The following CTNND2 variants were observed in gnomAD, a reference collection of about 807,000 sequenced individuals.
CTNND2 encodes the protein catenin delta 2.
A neutral mutation model predicts 144.4 loss-of-function variants in CTNND2; 22 were observed. That is an observed-to-expected ratio of 0.15 (90% CI 0.11 to 0.22). CTNND2 has a LOEUF of 0.22. CTNND2 is among the 10% of genes least tolerant of loss of function. The pLI, the probability that CTNND2 is intolerant of heterozygous loss-of-function variation, is 1.00. For synonymous variants in CTNND2, 751 were observed against 695.6 expected (o/e 1.08, Z -1.25); for missense variants, 1,353 against 1,618.8 (o/e 0.84, Z 2.82).
rs182211460 is a variant in CTNND2 at position 11,303,162 on chromosome 5, G to A, written c.1628+43210C>T. On this transcript the variant is annotated intron_variant, in intron 9 of 21. Transcript: ENST00000304623. ...CCACTCAACACTTAGTCCAGTACCTGGCATTTGGCAGCTTCTCGAAAATAC... is the reference window on the plus strand; with the variant it reads ...CCACTCAACACTTAGTCCAGTACCTAGCATTTGGCAGCTTCTCGAAAATAC... 8.5e-5 allele frequency among the ~76,000 whole-genome samples: 13 copies of A among 152,316 alleles called. No individual in the cohort carries two copies. In the East Asian group the frequency reaches 9.6e-4, roughly 11 times the overall value.
chr5:11,130,997 T>G (rs1755541210), intron 12 of CTNND2, among the ~76,000 whole-genome samples: 1 of 152,168 alleles, frequency 6.6e-6, no homozygotes, highest in Non-Finnish European at 1.5e-5. Flanking sequence ...AGCATTACCA[T>G]GCTTGCTAAA....
At chr5:11,540,696 G>C (rs988239437) in intron 3 of CTNND2, among the ~76,000 whole-genome samples, 2 of 152,138 alleles carry the variant, frequency 1.3e-5, no homozygotes, top group African/African-American at 4.8e-5. Flanking sequence ...TTTCAGTACA[G>C]ATGGGGTTTC....
At chr5:11,209,123 A>C (rs1738355295) in intron 10 of CTNND2, among the ~76,000 whole-genome samples, 1 of 152,164 alleles carries the variant, frequency 6.6e-6, no homozygotes, top group South Asian at 2.1e-4. Context: ...AAAGGCTATA[A>C]ATTCCCCAAA....
intron 1 of CTNND2, among the ~76,000 whole-genome samples, chr5:11,734,427 T>C (rs755071767): frequency 6.6e-6 from 1 of 152,166 alleles, no homozygotes; most frequent in African/African-American, 2.4e-5. Flanking sequence ...CTCATGACAG[T>C]GAATAAGTCT....
intron 1 of CTNND2, among the ~76,000 whole-genome samples, chr5:11,760,952 T>C (rs1054298992): frequency 6.6e-6 from 1 of 152,190 alleles, no homozygotes; most frequent in African/African-American, 2.4e-5. Context: ...ATTCTGCCTG[T>C]TATGTGATTG....
At chr5:11,316,648 C>G (rs577388438) in intron 9 of CTNND2, among the ~76,000 whole-genome samples, 37 of 150,904 alleles carry the variant, frequency 2.5e-4, no homozygotes, top group Admixed American at 5.3e-4. Flanking sequence ...CCCTTCCCCC[C>G]ACCCCACAAC....
intron 16 of CTNND2, among the ~76,000 whole-genome samples, chr5:11,071,650 A>C (rs1748319565): frequency 6.6e-6 from 1 of 151,770 alleles, no homozygotes; most frequent in Non-Finnish European, 1.5e-5. Flanking sequence ...TAACTGGAGT[A>C]CCTTGCAAAG....
At chr5:11,494,548 G>A (rs1386401265) in intron 3 of CTNND2, among the ~76,000 whole-genome samples, 1 of 152,100 alleles carries the variant, frequency 6.6e-6, no homozygotes, top group Non-Finnish European at 1.5e-5. Flanking sequence ...GAACTCCCCT[G>A]AAGCATTCGC....
chr5:11,450,146 T>C (rs947509735), intron 3 of CTNND2, among the ~76,000 whole-genome samples: 10 of 152,198 alleles, frequency 6.6e-5, no homozygotes, highest in Non-Finnish European at 2.9e-5. Flanking sequence ...TATGTATCAT[T>C]CGTGTAAAAT....
chr5:11,397,049 C>G lies in CTNND2; in HGVS notation c.594G>C (p.Thr198=). The change falls in exon 6 of 22, where the codon ACG becomes ACC. Residue 198 remains threonine, a synonymous_variant. Transcript: ENST00000304623. ...LPARGTQARA[T]GQSFSQGTTS... ...TACCTACCTGGCTGAAGCTCTGGCC[C>G]GTAGCTCGGGCTTGTGTGCCTCGGG... The G allele has an allele frequency of 6.2e-7, 1 of 1,613,534 alleles. No homozygotes were observed. The highest frequency in any genetic ancestry group is 8.5e-7 in the Non-Finnish European group (1 of 1,179,996).
intron 15 of CTNND2, among the ~76,000 whole-genome samples, chr5:11,097,371 G>A (rs1233229059): frequency 1.3e-5 from 2 of 152,200 alleles, no homozygotes; most frequent in East Asian, 1.9e-4. Flanking sequence ...AGCAAGAGAT[G>A]TGTACAACTC....
At chr5:11,847,495 C>G (rs977250162) in intron 1 of CTNND2, among the ~76,000 whole-genome samples, 1 of 151,710 alleles carries the variant, frequency 6.6e-6, no homozygotes, top group African/African-American at 2.4e-5. Flanking sequence ...GAGGAGGAGG[C>G]AGGTAATAGG....
At chr5:11,373,611 G>A (rs1006102475) in intron 7 of CTNND2, among the ~76,000 whole-genome samples, 5 of 152,172 alleles carry the variant, frequency 3.3e-5, no homozygotes, top group African/African-American at 1.2e-4. Context: ...GACCTCAGGG[G>A]AGGGGCCCAG....
chr5:11,575,136 T>G (rs1561576882), intron 2 of CTNND2, among the ~76,000 whole-genome samples: 1 of 152,164 alleles, frequency 6.6e-6, no homozygotes, highest in Non-Finnish European at 1.5e-5. Flanking sequence ...TAACAACGCT[T>G]TCCTGAATTC....
intron 2 of CTNND2, among the ~76,000 whole-genome samples, chr5:11,640,827 T>C (rs138118100): frequency 6.6e-6 from 1 of 152,290 alleles, no homozygotes; most frequent in African/African-American, 2.4e-5. Context: ...GTCATTTTGG[T>C]CCACCAGAAT....
At chr5:11,182,504 C>G (rs1735187743) in intron 11 of CTNND2, among the ~76,000 whole-genome samples, 1 of 152,062 alleles carries the variant, frequency 6.6e-6, no homozygotes, top group Non-Finnish European at 1.5e-5. Context: ...CTCTCTTCCC[C>G]CATCCATGTC....
At chr5:11,648,237 T>C (rs1279837654) in intron 2 of CTNND2, among the ~76,000 whole-genome samples, 2 of 151,282 alleles carry the variant, frequency 1.3e-5, no homozygotes, top group Non-Finnish European at 2.9e-5. Context: ...CAGGTGTTCA[T>C]GCTACCAAGA....
intron 9 of CTNND2, among the ~76,000 whole-genome samples, chr5:11,289,453 C>G (rs1748088037): frequency 6.6e-6 from 1 of 152,214 alleles, no homozygotes; most frequent in African/African-American, 2.4e-5. Context: ...AGAACAACAG[C>G]TGAGCACTGG....
intron 16 of CTNND2, among the ~76,000 whole-genome samples, chr5:11,025,537 G>C (rs1356736621): frequency 4.6e-5 from 7 of 152,174 alleles, no homozygotes; most frequent in Admixed American, 4.6e-4. Flanking sequence ...TGGAAGGCTT[G>C]ATTCAGGAGG....
Sources: allele counts gnomAD v4.1 joint callset (sites outside exome capture counted in the v4.1 genomes callset), GRCh38; gene constraint gnomAD v4.1.1; transcripts MANE v1.5; gene names NCBI Gene and HGNC (gene_info 2026-07-23, HGNC 2026-07-21).